Variants in TTC12 observed in about 807,000 individuals in gnomAD.
The protein encoded by TTC12 is tetratricopeptide repeat domain 12, also known as tetratricopeptide repeat protein 12.
Under a neutral mutation model 90.1 loss-of-function variants are expected in TTC12, and 70 were observed. The observed-to-expected ratio is 0.78, with a 90% CI of 0.64 to 0.95. TTC12 has a LOEUF of 0.95. TTC12 is among the 40% of genes least tolerant of loss of function. TTC12 has a pLI of 0.00. For synonymous variants in TTC12, 296 were observed against 311.5 expected, an observed-to-expected ratio of 0.95 and a Z score of 0.53; for missense variants, 819 against 846.1, an observed-to-expected ratio of 0.97 and a Z score of 0.40.
At chr11:113,353,279 C>G (rs1489631307) in intron 16 of TTC12, among the ~76,000 whole-genome samples, 3 of 152,120 alleles carry the variant, frequency 2.0e-5, no homozygotes, top group Non-Finnish European at 2.9e-5. Context: ...TGAAAAGTGT[C>G]TCTTCATGTC....
downstream of TTC12, among the ~76,000 whole-genome samples, chr11:113,366,770 G>C (rs1950232679): frequency 2.6e-5 from 4 of 152,224 alleles, no homozygotes; most frequent in Admixed American, 2.6e-4. Context: ...GTGGCCTGCA[G>C]CTGACTCCTG....
chr11:113,372,049 G>T (rs1950400448), intron 21 of TTC12, among the ~76,000 whole-genome samples: 1 of 152,146 alleles, frequency 6.6e-6, no homozygotes, highest in Non-Finnish European at 1.5e-5. Context: ...TTTTATCAGG[G>T]TTGGAAGGGT....
At chr11:113,351,988 G>A in intron 15 of TTC12, 82 bp from the exon 16 acceptor site, 1 of 1,507,088 alleles carries the variant, frequency 6.6e-7, no homozygotes, top group Non-Finnish European at 8.9e-7. Flanking sequence ...GGGCCTTTTG[G>A]TGAGTGAGGG....
At chr11:113,317,856 A>T (rs567031648) in intron 2 of TTC12, among the ~76,000 whole-genome samples, 8 of 152,206 alleles carry the variant, frequency 5.3e-5, no homozygotes, top group Admixed American at 4.6e-4. Context: ...GGTATCATGT[A>T]TACCAGTGCT....
At chr11:113,363,083 A>T (rs892228079) in intron 19 of TTC12, among the ~76,000 whole-genome samples, 2 of 152,234 alleles carry the variant, frequency 1.3e-5, no homozygotes, top group East Asian at 1.9e-4. Context: ...GTGTGTGCCC[A>T]TGAGGTCCAT....
chr11:113,333,984 C>T (rs1948207049), intron 7 of TTC12, among the ~76,000 whole-genome samples: 1 of 152,162 alleles, frequency 6.6e-6, no homozygotes, highest in East Asian at 1.9e-4. Context: ...ATTTCTTTCT[C>T]ACAACAACCT....
intron 9 of TTC12, 87 bp from the exon 10 acceptor site, chr11:113,339,199 C>A: frequency 8.5e-7 from 1 of 1,182,754 alleles, no homozygotes; most frequent in Non-Finnish European, 1.2e-6. Flanking sequence ...CTCCCATCCT[C>A]AAAAGAAAGG....
At chr11:113,357,589 C>A (rs781874496) in intron 16 of TTC12, among the ~76,000 whole-genome samples, 4 of 152,082 alleles carry the variant, frequency 2.6e-5, no homozygotes, top group Non-Finnish European at 4.4e-5. Flanking sequence ...AGATTGCTGA[C>A]CTTTGGATAA....
At chr11:113,329,853 T>G in intron 6 of TTC12, 67 bp from the exon 7 acceptor site, 3 of 1,307,734 alleles carry the variant, frequency 2.3e-6, no homozygotes, top group Non-Finnish European at 3.3e-6. Context: ...GAATGTTCTT[T>G]CTGTGTGAAC....
Position 113,329,948 on chromosome 11 carries a change from AG to A in TTC12, c.475del (p.Ala159HisfsTer29), listed in dbSNP as rs781797670. 2 of 1,613,802 alleles carry A rather than the reference AG, an allele frequency of 1.2e-6. No homozygotes were observed. The highest frequency in any genetic ancestry group is 1.7e-6 in the Non-Finnish European group (2 of 1,179,658). On this transcript the variant is annotated frameshift_variant, in exon 7 of 22. Coordinates refer to ENST00000529221, the MANE Select transcript of TTC12 (RefSeq NM_017868.4). LOFTEE classifies it high-confidence loss of function. Reference protein sequence around the residue: ...QAYMKLEDYEKALVDCEWALK... With the variant: ...QAYMKLEDYEXALVDCEWALK... ...TATATGAAACTTGAGGACTATGAGA[AG>A]GCACTGGTGGATTGTGAGTGGGCTC...
chr11:113,332,796 A>T (rs375709097), intron 7 of TTC12, among the ~76,000 whole-genome samples: 1 of 152,138 alleles, frequency 6.6e-6, no homozygotes, highest in Non-Finnish European at 1.5e-5. Context: ...CCAACTCTTC[A>T]TCTTCTCACT....
chr11:113,343,542 C>T (rs1948791421), intron 12 of TTC12, among the ~76,000 whole-genome samples: 2 of 152,256 alleles, frequency 1.3e-5, no homozygotes, highest in South Asian at 4.2e-4. Context: ...CTACTGGATG[C>T]CGTGTGCTGT....
chr11:113,352,365 G>A (rs534939203), intron 16 of TTC12, among the ~76,000 whole-genome samples, 158 bp downstream of exon 16: 1 of 152,150 alleles, frequency 6.6e-6, no homozygotes, highest in South Asian at 2.1e-4. Flanking sequence ...TGCACTGCTG[G>A]CCTTAAAGAG....
intron 6 of TTC12, among the ~76,000 whole-genome samples, chr11:113,327,450 G>A (rs1195361805): frequency 6.6e-6 from 1 of 152,144 alleles, no homozygotes; most frequent in Non-Finnish European, 1.5e-5. Context: ...GCTTGCTAGA[G>A]AGAAAACCTA....
At chr11:113,334,914 T>C (rs1948274094) in intron 7 of TTC12, 52 bp from the exon 8 acceptor site, 1 of 1,432,936 alleles carries the variant, frequency 7.0e-7, no homozygotes, top group Middle Eastern at 1.8e-4. Flanking sequence ...GGGGAGTGGC[T>C]AATGACTTCA....
rs186621674 is a variant in TTC12, at chr11:113,334,296, G to A, written c.505-670G>A. ...CCCTGTGGAGTTAGAACAACTAGGG[G>A]CAGGCAGGTGCAGGGCCTCCTGTGT... On this transcript the variant is annotated intron_variant, in intron 7 of 21. Coordinates refer to ENST00000529221, the MANE Select transcript of TTC12 (RefSeq NM_017868.4). Among the ~76,000 whole-genome samples, 3 of 152,316 alleles carry A rather than the reference G, an allele frequency of 2.0e-5. No individual in the cohort carries two copies. The East Asian group carries it at 5.8e-4, about 29-fold the overall frequency.
intron 10 of TTC12, 25 bp from the exon 11 acceptor site, chr11:113,340,639 G>A (rs782398238): frequency 2.5e-6 from 4 of 1,602,240 alleles, no homozygotes; most frequent in African/African-American, 2.7e-5. Flanking sequence ...GGAGTCTGAA[G>A]TGGTTTTCTT....
At chr11:113,356,772 G>A (rs1449243891) in intron 16 of TTC12, among the ~76,000 whole-genome samples, 2 of 152,164 alleles carry the variant, frequency 1.3e-5, no homozygotes, top group Non-Finnish European at 2.9e-5. Context: ...CTTCTGGGTT[G>A]TAGAGTTTCT....
intron 21 of TTC12, chr11:113,365,357 C>T (rs1950153359): frequency 2.0e-5 from 7 of 352,770 alleles, no homozygotes; most frequent in Non-Finnish European, 3.8e-5. Context: ...TTGCATCCCT[C>T]TCCCTGTCTC....
Sources: allele counts gnomAD v4.1 joint callset (sites outside exome capture counted in the v4.1 genomes callset), GRCh38; gene constraint gnomAD v4.1.1; transcripts MANE v1.5; gene names NCBI Gene and HGNC (gene_info 2026-07-23, HGNC 2026-07-21).